DUSP22: variants seen among roughly 807,000 people sequenced by gnomAD.
The protein encoded by DUSP22 is dual specificity phosphatase 22.
A neutral mutation model predicts 24.5 loss-of-function variants in DUSP22; 24 were observed. The observed-to-expected ratio is 0.98, with a 90% CI of 0.71 to 1.38. The LOEUF (loss-of-function observed/expected upper bound fraction) is 1.38. Among genes scored for constraint, DUSP22 ranks in the 40% most tolerant of loss-of-function variants. DUSP22 has a pLI of 0.00. For synonymous variants in DUSP22, 160 were observed against 106.4 expected, an observed-to-expected ratio of 1.50 and a Z score of -3.10; for missense variants, 330 against 269.2, an observed-to-expected ratio of 1.23 and a Z score of -1.58.
chr6:322,212 T>C (rs1758627348), intron 3 of DUSP22, among the ~76,000 whole-genome samples: 1 of 152,296 alleles, frequency 6.6e-6, no homozygotes. Flanking sequence ...TGGGAGAAAA[T>C]GCTAGGACAG....
chr6:316,451 G>A (rs1364605708), intron 3 of DUSP22, among the ~76,000 whole-genome samples: 1 of 152,310 alleles, frequency 6.6e-6, no homozygotes, highest in Admixed American at 6.5e-5. Flanking sequence ...GCCCCTGTGT[G>A]CTGAAAAGTG....
At chr6:317,519 G>C (rs1320793804) in intron 3 of DUSP22, among the ~76,000 whole-genome samples, 1 of 152,302 alleles carries the variant, frequency 6.6e-6, no homozygotes, top group Non-Finnish European at 1.5e-5. Context: ...TCCTCTGAGA[G>C]GGACACCGTC....
Position 317,433 on chromosome 6 carries a change from TTC to T in DUSP22, c.138+5475_138+5476del. ...TAAAGTTGAAGAAGGCATGTGTGTA[TTC>T]TCTTTCCTCTCTTCCCACCCTCTCC... On this transcript the variant is annotated intron_variant, in intron 3 of 6. Coordinates refer to ENST00000419235, the MANE Select transcript of DUSP22 (RefSeq NM_001286555.3). 2.0e-5 allele frequency among the ~76,000 whole-genome samples: 3 copies of T among 152,416 alleles called. No homozygotes were observed. The South Asian group carries it at 6.2e-4, about 32-fold the overall frequency.
intron 3 of DUSP22, among the ~76,000 whole-genome samples, chr6:324,277 G>A (rs960879586): frequency 2.0e-5 from 3 of 152,418 alleles, no homozygotes; most frequent in Admixed American, 6.5e-5. Flanking sequence ...TGCTAGCAGC[G>A]GCAGGCGTGG....
intron 1 of DUSP22, among the ~76,000 whole-genome samples, chr6:298,398 C>A (rs1386561899): frequency 6.6e-6 from 1 of 152,308 alleles, no homozygotes; most frequent in African/African-American, 2.4e-5. Flanking sequence ...ACCCCCACCC[C>A]ACACATGGCC....
intron 3 of DUSP22, among the ~76,000 whole-genome samples, chr6:319,419 T>C (rs565830812): frequency 5.5e-4 from 84 of 152,394 alleles, no homozygotes; most frequent in Non-Finnish European, 9.1e-4. Flanking sequence ...TGTCATCCAC[T>C]TTATTTCAGT....
At chr6:333,103 G>A (rs1016697622) in intron 3 of DUSP22, among the ~76,000 whole-genome samples, 21 of 152,406 alleles carry the variant, frequency 1.4e-4, no homozygotes, top group South Asian at 6.2e-4. Context: ...CTTGAAGTCC[G>A]AGCTGTAATA....
chr6:313,095 A>G (rs1408257666), intron 3 of DUSP22, among the ~76,000 whole-genome samples: 3 of 152,186 alleles, frequency 2.0e-5, no homozygotes, highest in Non-Finnish European at 2.9e-5. Context: ...CCATTTTTTA[A>G]TCTGTCAACA....
chr6:297,524 A>T (rs546484037), intron 1 of DUSP22, among the ~76,000 whole-genome samples: 1 of 152,426 alleles, frequency 6.6e-6, no homozygotes, highest in African/African-American at 2.4e-5. Flanking sequence ...CAGGATAATT[A>T]CTTGTGAGAC....
At chr6:347,919 G>A (rs1221721778) in intron 5 of DUSP22, among the ~76,000 whole-genome samples, 184 bp from the exon 6 acceptor site, 1 of 152,298 alleles carries the variant, frequency 6.6e-6, no homozygotes, top group African/African-American at 2.4e-5. Flanking sequence ...GTGCCAGGAA[G>A]CATAGGGAGC....
At chr6:341,277 G>A (rs566372032) in intron 4 of DUSP22, among the ~76,000 whole-genome samples, 49 of 152,402 alleles carry the variant, frequency 3.2e-4, no homozygotes, top group Admixed American at 1.4e-3. Flanking sequence ...GTGAACTGCC[G>A]ATGAAACGGA....
chr6:342,386 C>T (rs960227724), intron 4 of DUSP22, among the ~76,000 whole-genome samples: 12 of 152,276 alleles, frequency 7.9e-5, no homozygotes, highest in Non-Finnish European at 1.5e-4. Context: ...GCGTGAGCAG[C>T]CTGGGGGACC....
chr6:308,594 G>A (rs535416977), intron 2 of DUSP22, among the ~76,000 whole-genome samples: 1 of 152,412 alleles, frequency 6.6e-6, no homozygotes, highest in East Asian at 1.9e-4. Flanking sequence ...GATATCAAGT[G>A]GTCTTCTCTA....
At chr6:292,762 G>GGGTA (rs1757148973) in intron 1 of DUSP22, among the ~76,000 whole-genome samples, 2 of 152,152 alleles carry the variant, frequency 1.3e-5, no homozygotes, top group Admixed American at 6.5e-5. Flanking sequence ...CCCGGCTTCC[G>GGGTA]GGTAGGCAGC....
chr6:350,052 T>G lies in DUSP22; in HGVS notation c.*1101T>G. ...TAAAATGCCTGAGCATTTATTAAGCTTCTTGGTATTCACTTGGGTTTGATA... is the reference window on the plus strand; with the variant it reads ...TAAAATGCCTGAGCATTTATTAAGCGTCTTGGTATTCACTTGGGTTTGATA... On this transcript the variant is annotated 3_prime_UTR_variant, in exon 7 of 7. Transcript: ENST00000419235. The G allele has an allele frequency of 1.0e-6, 1 of 985,646 alleles. No individual in the cohort carries two copies. Among genetic ancestry groups the G allele is most frequent in the African/African-American group, 1.7e-5 (1 of 57,398 alleles). The allele number at this position is 985,646 out of a possible 1,614,324, so 61.1% of individuals were successfully genotyped here. A position where few individuals can be genotyped will look rare whatever the true frequency, so the allele number is the denominator to read the frequency against.
At position 292,561 on chromosome 6, in the gene DUSP22, G is replaced by A. The variant is rs775602729; in HGVS notation, c.21+1G>A. Reference sequence around the variant, plus strand: ...CACCATGGGGAATGGGATGAACAAGGTAACGTCTTCCCTCGTTCGCGCTGG... The same window carrying A: ...CACCATGGGGAATGGGATGAACAAGATAACGTCTTCCCTCGTTCGCGCTGG... On this transcript the variant is annotated splice_donor_variant, in intron 1 of 6. Transcript: ENST00000419235. LOFTEE classifies it high-confidence loss of function. The A allele has an allele frequency of 5.0e-6, 8 of 1,601,606 alleles. No homozygotes were observed. Among genetic ancestry groups the A allele is most frequent in the South Asian group, 2.2e-5 (2 of 90,324 alleles).
chr6:309,795 C>G (rs1757989289), intron 2 of DUSP22, among the ~76,000 whole-genome samples: 1 of 152,304 alleles, frequency 6.6e-6, no homozygotes, highest in African/African-American at 2.4e-5. Context: ...CCGCCATCCT[C>G]CCTGCCATGT....
intron 3 of DUSP22, among the ~76,000 whole-genome samples, chr6:328,128 A>G (rs927918942): frequency 1.3e-5 from 2 of 152,294 alleles, no homozygotes; most frequent in Non-Finnish European, 2.9e-5. Context: ...GCTTTCACTC[A>G]TGGCAGTTTT....
At chr6:339,032 C>T (rs1759481502) in intron 4 of DUSP22, among the ~76,000 whole-genome samples, 1 of 152,298 alleles carries the variant, frequency 6.6e-6, no homozygotes, top group African/African-American at 2.4e-5. Flanking sequence ...AGCTCAGTTC[C>T]CCAACCAGCT....
Sources: allele counts gnomAD v4.1 joint callset (sites outside exome capture counted in the v4.1 genomes callset), GRCh38; gene constraint gnomAD v4.1.1; transcripts MANE v1.5; gene names NCBI Gene and HGNC (gene_info 2026-07-23, HGNC 2026-07-21).